The following MACROD2 variants were observed in gnomAD, a reference collection of about 807,000 sequenced individuals.
MACROD2 encodes ADP-ribose glycohydrolase MACROD2.
MACROD2 carries 36 observed loss-of-function variants against 70.4 expected under a neutral mutation model. The ratio of observed to expected loss-of-function variants is 0.51; its 90% CI spans 0.39 to 0.68. The LOEUF is 0.68. Ranked by LOEUF, MACROD2 falls within the 30% of genes least tolerant of loss-of-function variation. The probability of loss-of-function intolerance (pLI) is 0.00; values close to 1 mark genes in which losing one functional copy is unlikely to be tolerated. For missense variants in MACROD2, 496 were observed against 538.4 expected (o/e 0.92, Z 0.78); for synonymous variants, 172 against 178.8 (o/e 0.96, Z 0.30).
intron 8 of MACROD2, among the ~76,000 whole-genome samples, chr20:15,823,275 CGTGTGTGTGTGTGTGTGTGTGT>C (rs11471023): frequency 7.8e-6 from 1 of 128,642 alleles, no homozygotes; most frequent in African/African-American, 3.1e-5. Context: ...GTGAGCTCTT[CGTGTGTGTGTGTGTGTGTGTGT>C]GTGTGTGTGT....
At chr20:14,427,547 A>G (rs2083947600) in intron 3 of MACROD2, among the ~76,000 whole-genome samples, 1 of 151,824 alleles carries the variant, frequency 6.6e-6, no homozygotes, top group Non-Finnish European at 1.5e-5. Context: ...TATATAACAT[A>G]TCTCACTATA....
chr20:16,028,293 C>A (rs6135646), intron 15 of MACROD2, among the ~76,000 whole-genome samples: 1 of 152,112 alleles, frequency 6.6e-6, no homozygotes, highest in African/African-American at 2.4e-5. Context: ...TTTCTCTCTG[C>A]GTTGGCTGGC....
chr20:14,737,009 G>T (rs1384787199), intron 5 of MACROD2, among the ~76,000 whole-genome samples: 1 of 151,934 alleles, frequency 6.6e-6, no homozygotes, highest in Non-Finnish European at 1.5e-5. Context: ...GAATGTGCAG[G>T]TTTGTTACAT....
intron 5 of MACROD2, among the ~76,000 whole-genome samples, chr20:14,731,925 T>C (rs1372467535): frequency 1.3e-5 from 2 of 152,128 alleles, no homozygotes; most frequent in Non-Finnish European, 2.9e-5. Context: ...TTTGAAAACA[T>C]GGTTATTTTT....
chr20:14,756,561 A>G (rs77377204), intron 5 of MACROD2, among the ~76,000 whole-genome samples: 8 of 152,082 alleles, frequency 5.3e-5, no homozygotes, highest in Non-Finnish European at 8.8e-5. Context: ...ATGAATTTCA[A>G]CTGTAAATTG....
chr20:14,130,131 A>C (rs2054699219), intron 3 of MACROD2, among the ~76,000 whole-genome samples: 1 of 152,222 alleles, frequency 6.6e-6, no homozygotes, highest in African/African-American at 2.4e-5. Flanking sequence ...ACCCAAATCT[A>C]TCAAGAGGTA....
At chr20:14,025,035 C>G (rs886871950) in intron 2 of MACROD2, among the ~76,000 whole-genome samples, 2 of 152,126 alleles carry the variant, frequency 1.3e-5, no homozygotes, top group African/African-American at 4.8e-5. Context: ...TTAATTACTG[C>G]CTCAGTTTCT....
At chr20:14,131,064 G>A (rs7267734) in intron 3 of MACROD2, among the ~76,000 whole-genome samples, 4,021 of 151,758 alleles carry the variant, frequency 0.026, 53 homozygotes, top group Non-Finnish European at 0.032. Flanking sequence ...AGCTGGGACT[G>A]CAGGAACGTG....
chr20:15,823,563 G>GA (rs1430082015), intron 8 of MACROD2, among the ~76,000 whole-genome samples: 3 of 151,930 alleles, frequency 2.0e-5, no homozygotes, highest in Admixed American at 2.0e-4. Context: ...TTGAAAGCAG[G>GA]AAAAAAAGAG....
At chr20:14,482,330 T>C (rs975514615) in intron 3 of MACROD2, among the ~76,000 whole-genome samples, 1 of 152,138 alleles carries the variant, frequency 6.6e-6, no homozygotes, top group Non-Finnish European at 1.5e-5. Context: ...TAAGTAGAAT[T>C]GGCACTACTA....
intron 8 of MACROD2, among the ~76,000 whole-genome samples, chr20:15,798,617 C>T (rs1276942184): frequency 6.6e-6 from 1 of 152,138 alleles, no homozygotes; most frequent in African/African-American, 2.4e-5. Context: ...GACATGGTCA[C>T]ATTATAGAAG....
intron 8 of MACROD2, among the ~76,000 whole-genome samples, chr20:15,503,528 A>C (rs1197537135): frequency 2.0e-5 from 3 of 152,228 alleles, no homozygotes; most frequent in African/African-American, 7.2e-5. Flanking sequence ...ACATTCTTAA[A>C]AAAAGTCTTG....
chr20:15,906,014 T>C (rs1269938288), intron 10 of MACROD2, among the ~76,000 whole-genome samples: 2 of 152,198 alleles, frequency 1.3e-5, no homozygotes. Context: ...TTCTCAATTC[T>C]CCATCCTGAG....
At chr20:15,888,889 T>C (rs2064854276) in intron 10 of MACROD2, among the ~76,000 whole-genome samples, 1 of 152,096 alleles carries the variant, frequency 6.6e-6, no homozygotes, top group Non-Finnish European at 1.5e-5. Flanking sequence ...AGCATGTCAG[T>C]CTCGAAGATG....
intron 3 of MACROD2, among the ~76,000 whole-genome samples, chr20:14,158,060 TTC>T (rs924937181): frequency 6.6e-6 from 1 of 152,212 alleles, no homozygotes; most frequent in Non-Finnish European, 1.5e-5. Context: ...GAGTTCCTTT[TTC>T]TGTGTATCCT....
At chr20:14,103,142 C>G (rs1012218143) in intron 3 of MACROD2, among the ~76,000 whole-genome samples, 1 of 151,890 alleles carries the variant, frequency 6.6e-6, no homozygotes, top group African/African-American at 2.4e-5. Context: ...AACATTAAAT[C>G]CTTCAAGGAA....
intron 12 of MACROD2, among the ~76,000 whole-genome samples, chr20:15,961,603 G>A (rs1368347265): frequency 6.6e-6 from 1 of 152,198 alleles, no homozygotes; most frequent in Non-Finnish European, 1.5e-5. Flanking sequence ...ATGCCAGGCT[G>A]TCGGTTCAGA....
intron 3 of MACROD2, among the ~76,000 whole-genome samples, chr20:14,310,878 A>G (rs371345178): frequency 6.6e-6 from 1 of 151,926 alleles, no homozygotes; most frequent in African/African-American, 2.4e-5. Flanking sequence ...TTTTTTAAAT[A>G]GAAAAAAACT....
chr20:14,553,319 A>G (rs1294894961), intron 4 of MACROD2, among the ~76,000 whole-genome samples: 1 of 151,540 alleles, frequency 6.6e-6, no homozygotes, highest in Non-Finnish European at 1.5e-5. Context: ...CAGGGCCAAT[A>G]CATGCATGGA....
Sources: allele counts gnomAD v4.1 joint callset (sites outside exome capture counted in the v4.1 genomes callset), GRCh38; gene constraint gnomAD v4.1.1; transcripts MANE v1.5; gene names NCBI Gene and HGNC (gene_info 2026-07-23, HGNC 2026-07-21).